Variants in PTPN13 observed in about 807,000 individuals in gnomAD.
PTPN13 encodes tyrosine-protein phosphatase non-receptor type 13.
PTPN13 carries 191 observed loss-of-function variants against 284.0 expected under a neutral mutation model. The observed-to-expected ratio is 0.67, with a 90% CI of 0.60 to 0.76. The LOEUF (loss-of-function observed/expected upper bound fraction) is 0.76, where lower values mean the gene tolerates loss of function less well. PTPN13 is among the 30% of genes least tolerant of loss of function. PTPN13 has a pLI of 0.00. For synonymous variants in PTPN13, 986 were observed against 1,022.3 expected (o/e 0.96, Z 0.68); for missense variants, 2,797 against 2,939.9 (o/e 0.95, Z 1.12).
chr4:86,739,987 A>T (rs1735981302), intron 15 of PTPN13, among the ~76,000 whole-genome samples: 1 of 152,212 alleles, frequency 6.6e-6, no homozygotes, highest in Non-Finnish European at 1.5e-5. Context: ...CTGATGCAAG[A>T]GGTGGGCTCC....
At chr4:86,741,522 A>C in intron 15 of PTPN13, 112 bp from the exon 16 acceptor site, 1 of 919,554 alleles carries the variant, frequency 1.1e-6, no homozygotes, top group Non-Finnish European at 1.6e-6. Context: ...ACATGTGGGA[A>C]TTCAAGATGA....
At chr4:86,653,719 G>T (rs4561893) in intron 2 of PTPN13, among the ~76,000 whole-genome samples, 7,075 of 152,084 alleles carry the variant, frequency 0.047, 221 homozygotes, top group African/African-American at 0.061. Context: ...ATCACAGTGT[G>T]TATATATTTA....
chr4:86,717,919 A>G (rs1437272653), intron 9 of PTPN13, among the ~76,000 whole-genome samples: 1 of 152,104 alleles, frequency 6.6e-6, no homozygotes, highest in Non-Finnish European at 1.5e-5. Flanking sequence ...ACTTTTTTTT[A>G]AAGCCTGATT....
intron 2 of PTPN13, among the ~76,000 whole-genome samples, chr4:86,656,187 A>G (rs1022973220): frequency 1.3e-5 from 2 of 152,066 alleles, no homozygotes; most frequent in African/African-American, 2.4e-5. Flanking sequence ...ATGAGTTCCA[A>G]CTTCCTCCTT....
At chr4:86,686,597 C>CA in intron 3 of PTPN13, 113 bp from the exon 4 acceptor site, 2 of 705,704 alleles carry the variant, frequency 2.8e-6, no homozygotes, top group Non-Finnish European at 4.7e-6. Context: ...TGATGATTTT[C>CA]TCAAATTGTG....
chr4:86,673,197 G>A (rs1287019770), intron 3 of PTPN13, among the ~76,000 whole-genome samples: 1 of 152,142 alleles, frequency 6.6e-6, no homozygotes, highest in Non-Finnish European at 1.5e-5. Context: ...GGAGGTGGGG[G>A]TTGGGGACCC....
intron 45 of PTPN13, among the ~76,000 whole-genome samples, chr4:86,809,064 C>T (rs1485825814): frequency 1.3e-5 from 2 of 151,980 alleles, no homozygotes; most frequent in African/African-American, 2.4e-5. Context: ...TATTTAAAGC[C>T]ACAGAGAATC....
intron 2 of PTPN13, among the ~76,000 whole-genome samples, chr4:86,657,479 C>T (rs569934427): frequency 1.2e-3 from 178 of 152,246 alleles, no homozygotes; most frequent in Middle Eastern, 6.8e-3. Context: ...TCTCTCTTTT[C>T]CCCAGTCAGA....
rs35080587 is a variant in PTPN13, at chr4:86,717,189, ATTT to A, written c.1385+87_1385+89del. ...TTGTTTTTTATTTGAATTAAATGGA[ATTT>A]TTTTTTTTTTTTTTGAGACGGAGTC... On this transcript the variant is annotated intron_variant, in intron 9 of 47. Coordinates refer to ENST00000411767, the MANE Select transcript of PTPN13 (RefSeq NM_080683.3). 4.6e-3 allele frequency: 3,412 copies of A among 738,818 alleles called. 56 individuals carry two copies. The African/African-American group carries it at 0.051, about 11-fold the overall frequency. 45.8% of individuals were successfully genotyped at this position (738,818 alleles called of 1,614,324 possible). A position where few individuals can be genotyped will look rare whatever the true frequency, so the allele number is the denominator to read the frequency against.
At chr4:86,693,378 A>T (rs1730240687) in intron 5 of PTPN13, among the ~76,000 whole-genome samples, 1 of 152,030 alleles carries the variant, frequency 6.6e-6, no homozygotes. Context: ...TTCCCTTTTA[A>T]TTTTCTGAAA....
Position 86,734,757 on chromosome 4 carries a change from A to G in PTPN13, c.2033A>G (p.Gln678Arg). The G allele has an allele frequency of 1.2e-6, 2 of 1,611,716 alleles. No homozygotes were observed. Among genetic ancestry groups the G allele is most frequent in the African/African-American group, 1.3e-5 (1 of 74,998 alleles). ...TTCAGACATACTCTGACGTGTCATC[A>G]GTATTACCTTCAGCTTCGAAAAGAT... ...SLIQHTLTCH[Q>R]YYLQLRKDIL... Residue 678 changes from glutamine to arginine, a missense_variant, in exon 14 of 48, where the codon CAG becomes CGG. Physicochemically the swap from Gln to Arg is conservative, Grantham distance 43 (BLOSUM62 1). Transcript: ENST00000411767.
At chr4:86,715,971 C>T (rs1732966775) in intron 7 of PTPN13, among the ~76,000 whole-genome samples, 1 of 152,174 alleles carries the variant, frequency 6.6e-6, no homozygotes, top group African/African-American at 2.4e-5. Context: ...TACACAGTAC[C>T]CCCTTCCAAA....
chr4:86,605,386 G>C (rs889812614), intron 1 of PTPN13, among the ~76,000 whole-genome samples: 1 of 151,916 alleles, frequency 6.6e-6, no homozygotes, highest in Non-Finnish European at 1.5e-5. Context: ...GATTCATAGG[G>C]TCAGAACATT....
chr4:86,679,051 G>A (rs1490024411), intron 3 of PTPN13, among the ~76,000 whole-genome samples: 2 of 152,118 alleles, frequency 1.3e-5, no homozygotes, highest in Non-Finnish European at 2.9e-5. Context: ...CTTCAAGTTC[G>A]TACTGTATTG....
intron 2 of PTPN13, among the ~76,000 whole-genome samples, chr4:86,655,196 A>G (rs1376530803): frequency 3.3e-5 from 5 of 152,056 alleles, no homozygotes; most frequent in East Asian, 1.9e-4. Flanking sequence ...TCTTTATCCA[A>G]TTTGCCAGTC....
chr4:86,751,584 T>C (rs1737393816), intron 19 of PTPN13, among the ~76,000 whole-genome samples: 1 of 152,180 alleles, frequency 6.6e-6, no homozygotes, highest in African/African-American at 2.4e-5. Flanking sequence ...CCTCCCAAAG[T>C]GCTGAGATTA....
rs190810961 is a variant in PTPN13, at chr4:86,697,637, A to G, written c.635-3604A>G. ...AACTTACACTATTATTCAGATCAACATGGTGGTGCTTTAGAACTTACGCAT... is the reference window on the plus strand; with the variant it reads ...AACTTACACTATTATTCAGATCAACGTGGTGGTGCTTTAGAACTTACGCAT... On this transcript the variant is annotated intron_variant, in intron 6 of 47. Transcript: ENST00000411767. Among the ~76,000 whole-genome samples, 38 of 152,274 alleles carry G rather than the reference A, an allele frequency of 2.5e-4. No individual in the cohort carries two copies. In the East Asian group the frequency reaches 6.9e-3, roughly 28 times the overall value.
At chr4:86,735,885 T>A (rs1578532070) in intron 15 of PTPN13, 139 bp downstream of exon 15, 2 of 756,662 alleles carry the variant, frequency 2.6e-6, no homozygotes, top group East Asian at 2.9e-5. Flanking sequence ...GCTAAAATTA[T>A]GGTATTTTAA....
intron 44 of PTPN13, among the ~76,000 whole-genome samples, chr4:86,806,910 C>G (rs1744722876): frequency 1.3e-5 from 2 of 151,968 alleles, no homozygotes; most frequent in Non-Finnish European, 1.5e-5. Context: ...ACTGGAGCAG[C>G]CTGGTTTAAA....
Sources: allele counts gnomAD v4.1 joint callset (sites outside exome capture counted in the v4.1 genomes callset), GRCh38; gene constraint gnomAD v4.1.1; transcripts MANE v1.5; gene names NCBI Gene and HGNC (gene_info 2026-07-23, HGNC 2026-07-21).